CPA5: variants seen among roughly 807,000 people sequenced by gnomAD.
CPA5 encodes the protein carboxypeptidase A5, also known as testicular tissue protein Li 32.
A neutral mutation model predicts 52.2 loss-of-function variants in CPA5; 38 were observed. That is an observed-to-expected ratio of 0.73 (90% CI 0.56 to 0.95). CPA5 has a LOEUF of 0.95. Ranked by LOEUF, CPA5 falls within the 40% of genes least tolerant of loss-of-function variation. CPA5 has a pLI of 0.00. For synonymous variants in CPA5, 198 were observed against 213.7 expected (o/e 0.93, Z 0.64); for missense variants, 519 against 566.7 (o/e 0.92, Z 0.86).
At chr7:130,367,083 G>A (rs767744001) in intron 10 of CPA5, among the ~76,000 whole-genome samples, 4 of 152,114 alleles carry the variant, frequency 2.6e-5, no homozygotes, top group African/African-American at 4.8e-5. Flanking sequence ...GCTTTCTTCC[G>A]CAGTGAGAGA....
rs2117426457 is a variant in CPA5, at chr7:130,362,925, A to T, written c.678A>T (p.Ile226=). Residue 226 remains isoleucine, a synonymous_variant, in exon 9 of 13, where the codon ATA becomes ATT. Coordinates refer to ENST00000474905, the MANE Select transcript of CPA5 (RefSeq NM_080385.5). ...GCAAAGACCGTGTCCTGACAGACATACTGAATGCCATGGACATCTTCATAG... is the reference window on the plus strand; with the variant it reads ...GCAAAGACCGTGTCCTGACAGACATTCTGAATGCCATGGACATCTTCATAG... ...DYGKDRVLTD[I]LNAMDIFIEL... 1.2e-6 allele frequency: 2 copies of T among 1,613,774 alleles called. No individual in the cohort carries two copies. The highest frequency in any genetic ancestry group is 4.5e-5 in the East Asian group (2 of 44,852).
chr7:130,352,430 A>T (rs782682087), intron 5 of CPA5, among the ~76,000 whole-genome samples: 1 of 151,848 alleles, frequency 6.6e-6, no homozygotes, highest in African/African-American at 2.4e-5. Context: ...GGCGGTTGCT[A>T]TGGGAGCGCA....
At chr7:130,370,410 T>A (rs1796283769), downstream of CPA5, among the ~76,000 whole-genome samples, 1 of 152,146 alleles carries the variant, frequency 6.6e-6, no homozygotes, top group African/African-American at 2.4e-5. Flanking sequence ...TAGTGGAAAT[T>A]CGAGGTCATG....
chr7:130,362,684 T>C (rs542109102), intron 8 of CPA5, 145 bp downstream of exon 8: 5 of 666,398 alleles, frequency 7.5e-6, no homozygotes, highest in East Asian at 2.7e-5. Context: ...CACCGTGCAC[T>C]CTTACCTTTT....
chr7:130,346,726 C>T (rs938370894), intron 3 of CPA5, 125 bp downstream of exon 3: 3 of 701,280 alleles, frequency 4.3e-6, no homozygotes, highest in Non-Finnish European at 7.2e-6. Flanking sequence ...GGTTCCTGTC[C>T]TGAACCCACT....
intron 6 of CPA5, 56 bp downstream of exon 6, chr7:130,359,743 C>T (rs1795692259): frequency 1.6e-6 from 2 of 1,255,192 alleles, no homozygotes; most frequent in Admixed American, 4.1e-5. Flanking sequence ...CCCTTAGGGT[C>T]TCCTGACTCA....
chr7:130,352,391 T>C (rs1314256838), intron 5 of CPA5, among the ~76,000 whole-genome samples: 2 of 151,686 alleles, frequency 1.3e-5, no homozygotes, highest in African/African-American at 4.9e-5. Context: ...GTGGTTACAA[T>C]GGAGTGGATG....
Position 130,359,646 on chromosome 7 carries a change from ACC to A in CPA5, c.392_393del (p.Thr131LysfsTer16). ...GAAATCCCGCCGGCTGGAGCGCAGCACCAACAGCTTCAGTTACTCATCATACC... is the reference window on the plus strand; with the variant it reads ...GAAATCCCGCCGGCTGGAGCGCAGCAAACAGCTTCAGTTACTCATCATACC... ...MAKSRRLERS[T>X]NSFSYSSYHT... On this transcript the variant is annotated frameshift_variant, in exon 6 of 13. Coordinates refer to ENST00000474905, the MANE Select transcript of CPA5 (RefSeq NM_080385.5). LOFTEE classifies it high-confidence loss of function. 1 of 1,586,042 alleles carries A rather than the reference ACC, an allele frequency of 6.3e-7. No homozygotes were observed. The highest frequency in any genetic ancestry group is 8.6e-7 in the Non-Finnish European group (1 of 1,166,258).
intron 5 of CPA5, among the ~76,000 whole-genome samples, chr7:130,357,727 A>G (rs938818900): frequency 3.3e-5 from 5 of 152,048 alleles, no homozygotes; most frequent in African/African-American, 1.2e-4. Flanking sequence ...CTTCTATCTT[A>G]GCAGGCATTG....
intron 5 of CPA5, 52 bp from the exon 6 acceptor site, chr7:130,359,531 GAGGCAT>G: frequency 1.6e-6 from 2 of 1,283,020 alleles, no homozygotes; most frequent in Non-Finnish European, 2.2e-6. Context: ...GGGCTCAGAA[GAGGCAT>G]AGCCAGCCCA....
At chr7:130,370,734 C>T (rs567085304), downstream of CPA5, among the ~76,000 whole-genome samples, 123 of 152,276 alleles carry the variant, frequency 8.1e-4, no homozygotes, top group African/African-American at 2.6e-3. Flanking sequence ...CAGCAGAATC[C>T]GTGGAGACTT....
chr7:130,355,075 G>C (rs1201680063), intron 5 of CPA5, among the ~76,000 whole-genome samples: 1 of 151,668 alleles, frequency 6.6e-6, no homozygotes, highest in Non-Finnish European at 1.5e-5. Context: ...AGGGACAGAA[G>C]AAGAGGACCC....
Position 130,350,633 on chromosome 7 carries a change from C to T in CPA5, c.333+524C>T, listed in dbSNP as rs80065655. Among the ~76,000 whole-genome samples the T allele has an allele frequency of 1.1e-4, 16 of 152,326 alleles. No homozygotes were observed. In the East Asian group the frequency reaches 2.7e-3, roughly 26 times the overall value. On this transcript the variant is annotated intron_variant, in intron 5 of 12. Coordinates refer to ENST00000474905, the MANE Select transcript of CPA5 (RefSeq NM_080385.5). ...AACCTCCACCGCTTGGCTCTCCGCA[C>T]GGGGCATCCCCCCAGGCAGCATTCT...
rs140465407 is a variant in CPA5, at chr7:130,362,466, C to T, written c.563C>T (p.Ala188Val). ...AGCACTGGAGGTTCTCGGCACCCAG[C>T]CATCTGGATTGACACTGGAATTCAC... is the stretch of plus-strand genomic sequence containing the variant. ...KFSTGGSRHP[A>V]IWIDTGIHSR... The change falls in exon 8 of 13, where the codon GCC becomes GTC. Residue 188 changes from alanine to valine, a missense_variant. By Grantham distance (64) the Ala-to-Val change is moderately conservative. Transcript: ENST00000474905. The T allele has an allele frequency of 4.2e-5, 68 of 1,613,106 alleles. 1 individual carries two copies. In the Middle Eastern group the frequency reaches 9.9e-4, roughly 23 times the overall value.
At chr7:130,346,336 C>G in intron 2 of CPA5, 57 bp from the exon 3 acceptor site, 2 of 564,214 alleles carry the variant, frequency 3.5e-6, no homozygotes, top group Non-Finnish European at 6.2e-6. Flanking sequence ...TCTCCCAAGG[C>G]CTGGCATGTG....
At chr7:130,357,642 C>A (rs1166583684) in intron 5 of CPA5, among the ~76,000 whole-genome samples, 1 of 150,700 alleles carries the variant, frequency 6.6e-6, no homozygotes, top group African/African-American at 2.4e-5. Flanking sequence ...AAAAAAAGTT[C>A]TTATTGAAGT....
At chr7:130,347,410 C>T (rs1794833589) in intron 3 of CPA5, among the ~76,000 whole-genome samples, 1 of 152,192 alleles carries the variant, frequency 6.6e-6, no homozygotes, top group Admixed American at 6.5e-5. Context: ...TCCTTTCTCC[C>T]CTTCATTCCT....
intron 10 of CPA5, among the ~76,000 whole-genome samples, chr7:130,366,952 CATATT>C (rs1487770604): frequency 2.6e-5 from 4 of 152,208 alleles, no homozygotes; most frequent in Admixed American, 1.3e-4. Context: ...AGTCCTCTGA[CATATT>C]AGATTAGAGG....
At chr7:130,357,359 A>G (rs1554405455) in intron 5 of CPA5, among the ~76,000 whole-genome samples, 1 of 152,100 alleles carries the variant, frequency 6.6e-6, no homozygotes, top group African/African-American at 2.4e-5. Flanking sequence ...TGGTTTTGCT[A>G]TTATTTATTC....
Sources: allele counts gnomAD v4.1 joint callset (sites outside exome capture counted in the v4.1 genomes callset), GRCh38; gene constraint gnomAD v4.1.1; transcripts MANE v1.5; gene names NCBI Gene and HGNC (gene_info 2026-07-23, HGNC 2026-07-21).